Variants in DOK7 observed in about 807,000 individuals in gnomAD.
DOK7 encodes the protein docking protein 7, also known as protein Dok-7.
DOK7 carries 32 observed loss-of-function variants against 30.7 expected under a neutral mutation model. That is an observed-to-expected ratio of 1.04 (90% CI 0.79 to 1.40). The LOEUF is 1.40. Ranked by LOEUF, DOK7 falls within the 40% of genes most tolerant of loss-of-function variation. The pLI is 0.00. For missense variants in DOK7, 1,007 were observed against 699.2 expected (o/e 1.44, Z -4.97); for synonymous variants, 447 against 324.1 (o/e 1.38, Z -4.07).
chr4:3,490,809 G>A (rs111161814), intron 6 of DOK7, among the ~76,000 whole-genome samples: 1,942 of 36,194 alleles, frequency 0.054, 138 homozygotes, highest in African/African-American at 0.21. Flanking sequence ...CTGCCCCCCC[G>A]CTCATTCATT....
intron 2 of DOK7, among the ~76,000 whole-genome samples, chr4:3,469,903 G>T (rs1726657574): frequency 6.6e-6 from 1 of 152,220 alleles, no homozygotes; most frequent in Admixed American, 6.5e-5. Flanking sequence ...CAGGAGGGAC[G>T]AGCGGGCCCC....
chr4:3,493,841 T>C lies in DOK7; in HGVS notation c.*340T>C, dbSNP rs1346655249. The C allele has an allele frequency of 3.4e-6, 4 of 1,186,476 alleles. No homozygotes were observed. The highest frequency in any genetic ancestry group is 4.2e-6 in the Non-Finnish European group (4 of 956,790). The allele number at this position is 1,186,476 out of a possible 1,614,324, so 73.5% of individuals were successfully genotyped here. A position where few individuals can be genotyped will look rare whatever the true frequency, so the allele number is the denominator to read the frequency against. Reference sequence around the variant, plus strand: ...TGCCTTGCACTGGGGTGCCAAGGGCTGGAGGCCCTGCCGCTGGCCTTGTCC... The same window carrying C: ...TGCCTTGCACTGGGGTGCCAAGGGCCGGAGGCCCTGCCGCTGGCCTTGTCC... On this transcript the variant is annotated 3_prime_UTR_variant, in exon 7 of 7. Transcript: ENST00000340083.
In DOK7 at chr4:3,481,093, G is replaced by C. The variant is rs147922268; in HGVS notation, c.533-4446G>C. Among the ~76,000 whole-genome samples, 1,000 of 152,210 alleles carry C rather than the reference G, an allele frequency of 6.6e-3. 11 individuals are homozygous for C. Among genetic ancestry groups the C allele is most frequent in the Non-Finnish European group, 8.6e-3 (587 of 67,994 alleles). ...AAGGGCTGTGTAGGAGCCCTGTTGG[G>C]GGGGATAGGAGGCGTGAGGGTGGAG... is the stretch of plus-strand genomic sequence containing the variant. On this transcript the variant is annotated intron_variant, in intron 4 of 6. Transcript: ENST00000340083.
chr4:3,484,354 C>T (rs1003419221), intron 4 of DOK7, among the ~76,000 whole-genome samples: 2 of 152,216 alleles, frequency 1.3e-5, no homozygotes, highest in East Asian at 3.8e-4. Context: ...GAAGGCAGAG[C>T]ATGACTGGGC....
chr4:3,490,591 CTTCAT>C (rs1289943294), intron 6 of DOK7, among the ~76,000 whole-genome samples: 1 of 121,434 alleles, frequency 8.2e-6, no homozygotes. Context: ...CTGCTCATTC[CTTCAT>C]TTCTTCTCTC....
In DOK7 at chr4:3,494,137, G is replaced by C. The variant is rs1297726384; in HGVS notation, c.*636G>C. 1 of 985,666 alleles carries C rather than the reference G, an allele frequency of 1.0e-6. No individual in the cohort carries two copies. The allele number at this position is 985,666 out of a possible 1,614,324, so 61.1% of individuals were successfully genotyped here. A position where few individuals can be genotyped will look rare whatever the true frequency, so the allele number is the denominator to read the frequency against. On this transcript the variant is annotated 3_prime_UTR_variant, in exon 7 of 7. Coordinates refer to ENST00000340083, the MANE Select transcript of DOK7 (RefSeq NM_173660.5). ...CCCTTGTGGGAAGGTTCCGGGAGCA[G>C]GTGGTGTCCTCAGAGCAGCCTCGCC...
In DOK7 at chr4:3,476,278, ACCCGCCCG is replaced by A; in HGVS notation, c.332-63_332-56del. On this transcript the variant is annotated intron_variant, in intron 3 of 6. Coordinates refer to ENST00000340083, the MANE Select transcript of DOK7 (RefSeq NM_173660.5). Reference sequence around the variant, plus strand: ...CCCGCCCGTGATGCCCTCTCACCCCACCCGCCCGTGATGTCCTCTCACCCTGCCCGCCC... The same window carrying A: ...CCCGCCCGTGATGCCCTCTCACCCCATGATGTCCTCTCACCCTGCCCGCCC... 5 of 285,590 alleles carry A rather than the reference ACCCGCCCG, an allele frequency of 1.8e-5. 1 individual carries two copies. Among genetic ancestry groups the A allele is most frequent in the East Asian group, 9.1e-5 (1 of 10,936 alleles). 17.7% of individuals were successfully genotyped at this position (285,590 alleles called of 1,614,324 possible).
intron 4 of DOK7, among the ~76,000 whole-genome samples, chr4:3,483,053 G>C (rs1727528221): frequency 6.6e-6 from 1 of 150,768 alleles, no homozygotes; most frequent in Non-Finnish European, 1.5e-5. Flanking sequence ...GGGTGTTCTA[G>C]GTGGCCAGGG....
rs539253463 is a variant in DOK7, at chr4:3,493,664, C to G, written c.*163C>G. 3.4e-6 allele frequency: 5 copies of G among 1,453,426 alleles called. No individual in the cohort carries two copies. Among genetic ancestry groups the G allele is most frequent in the Admixed American group, 5.4e-5 (2 of 37,088 alleles). 90.0% of individuals were successfully genotyped at this position (1,453,426 alleles called of 1,614,324 possible). A position where few individuals can be genotyped will look rare whatever the true frequency, so the allele number is the denominator to read the frequency against. On this transcript the variant is annotated 3_prime_UTR_variant, in exon 7 of 7. Transcript: ENST00000340083. ...GGAGGGCGCGCCCTGTGGCTGCCAC[C>G]GGAGGAAGGGGCTGACTTGGGGAGG...
At chr4:3,485,973 C>T (rs1727757662) in intron 5 of DOK7, among the ~76,000 whole-genome samples, 1 of 152,016 alleles carries the variant, frequency 6.6e-6, no homozygotes, top group Non-Finnish European at 1.5e-5. Flanking sequence ...CAGTAAGAGA[C>T]CCTCTGACCC....
At chr4:3,499,264 G>T (rs1400967431), downstream of DOK7, among the ~76,000 whole-genome samples, 2 of 152,190 alleles carry the variant, frequency 1.3e-5, no homozygotes, top group Non-Finnish European at 2.9e-5. Flanking sequence ...GAATTCTGAG[G>T]GCTCGGAGTG....
rs1577185412 is a variant in DOK7, at chr4:3,493,768, G to A, written c.*267G>A. On this transcript the variant is annotated 3_prime_UTR_variant, in exon 7 of 7. Coordinates refer to ENST00000340083, the MANE Select transcript of DOK7 (RefSeq NM_173660.5). ...CCAATGCTCAGCTGCTTCACTCCGTGTCCCCCACCCCTGAGGATCAGGTGA... is the reference window on the plus strand; with the variant it reads ...CCAATGCTCAGCTGCTTCACTCCGTATCCCCCACCCCTGAGGATCAGGTGA... 1 of 1,392,826 alleles carries A rather than the reference G, an allele frequency of 7.2e-7. No homozygotes were observed. Among genetic ancestry groups the A allele is most frequent in the Non-Finnish European group, 9.3e-7 (1 of 1,076,322 alleles). 86.3% of individuals were successfully genotyped at this position (1,392,826 alleles called of 1,614,324 possible). A position where few individuals can be genotyped will look rare whatever the true frequency, so the allele number is the denominator to read the frequency against.
At chr4:3,498,280 G>C (rs772106103), downstream of DOK7, among the ~76,000 whole-genome samples, 25 of 152,196 alleles carry the variant, frequency 1.6e-4, no homozygotes, top group Non-Finnish European at 3.4e-4. Flanking sequence ...GAGGGCCCTG[G>C]AGCCAGTGGC....
At chr4:3,495,213 C>T (rs13136935), downstream of DOK7, among the ~76,000 whole-genome samples, 16,290 of 152,284 alleles carry the variant, frequency 0.11, 1,004 homozygotes, top group Non-Finnish European at 0.13. Context: ...TCAATAGCTG[C>T]CCGTCACCAT....
chr4:3,469,785 C>T (rs911516449), intron 2 of DOK7, among the ~76,000 whole-genome samples: 4 of 152,198 alleles, frequency 2.6e-5, no homozygotes, highest in Non-Finnish European at 5.9e-5. Context: ...CCTGGCACTC[C>T]CCGAGAGATG....
At chr4:3,474,778 C>T (rs146798661) in intron 3 of DOK7, among the ~76,000 whole-genome samples, 18,927 of 151,706 alleles carry the variant, frequency 0.12, 1,257 homozygotes, top group East Asian at 0.23. Context: ...GCTGAGATCG[C>T]GCCATTGCAC....
chr4:3,474,514 G>A lies in DOK7; in HGVS notation c.331+878G>A, dbSNP rs192082563. ...ACCCTGGGCAACGTGGCGAAACCTC[G>A]TCTCTACTAAAAATACAAAAATGAT... On this transcript the variant is annotated intron_variant, in intron 3 of 6. Coordinates refer to ENST00000340083, the MANE Select transcript of DOK7 (RefSeq NM_173660.5). 3.7e-3 allele frequency among the ~76,000 whole-genome samples: 570 copies of A among 152,184 alleles called. 1 individual carries two copies. The highest frequency in any genetic ancestry group is 7.0e-3 in the Non-Finnish European group (474 of 67,994).
rs16844422 is a variant in DOK7 at position 3,485,595 on chromosome 4, G to A, written c.589G>A (p.Asp197Asn). The change falls in exon 5 of 7, where the codon GAC (aspartate) becomes AAC (asparagine). Residue 197 changes from aspartate (D) to asparagine (N), a missense_variant. By Grantham distance (23) the Asp-to-Asn change is conservative. Transcript: ENST00000340083. ...GGGGGAGCAGATCAGCTTCCTGTTC[G>A]ACTGCATCGTCCGAGGCATCTCCCC... ...AEGEQISFLF[D>N]CIVRGISPTK... is the part of the protein sequence containing the mutation. 6,849 of 1,607,942 alleles carry A rather than the reference G, an allele frequency of 4.3e-3. 228 individuals are homozygous for A. In the African/African-American group the frequency reaches 0.075, roughly 18 times the overall value.
intron 6 of DOK7, among the ~76,000 whole-genome samples, chr4:3,490,088 T>TCATTCATTCCTTCACCCC (rs1560225635): frequency 1.0e-4 from 3 of 30,066 alleles, no homozygotes; most frequent in Non-Finnish European, 1.6e-4. Context: ...CTTCACCCCC[T>TCATTCATTCCTTCACCCC]CATTCATTCC....
Sources: gnomAD v4.1 joint callset for allele counts (sites outside exome capture counted in the v4.1 genomes callset) on GRCh38, gnomAD v4.1.1 for gene constraint, MANE v1.5 for transcripts, NCBI Gene and HGNC (gene_info 2026-07-23, HGNC 2026-07-21) for gene names.